RAD54B: variants seen among roughly 807,000 people sequenced by gnomAD.
The protein encoded by RAD54B is RAD54 homolog B.
A neutral mutation model predicts 95.8 loss-of-function variants in RAD54B; 78 were observed. The observed-to-expected ratio is 0.81, with a 90% CI of 0.68 to 0.98. The LOEUF (loss-of-function observed/expected upper bound fraction) is 0.98. RAD54B is among the 50% of genes least tolerant of loss of function. RAD54B has a pLI of 0.00. For missense variants in RAD54B, 957 were observed against 1,056.6 expected (o/e 0.91, Z 1.31); for synonymous variants, 328 against 354.9 (o/e 0.92, Z 0.85).
chr8:94,467,238 T>C (rs1813048455), intron 2 of RAD54B, among the ~76,000 whole-genome samples, 167 bp downstream of exon 2: 1 of 152,166 alleles, frequency 6.6e-6, no homozygotes, highest in Non-Finnish European at 1.5e-5. Flanking sequence ...TGTTATTCCT[T>C]TTAAAAAAAA....
intron 8 of RAD54B, among the ~76,000 whole-genome samples, chr8:94,394,254 C>T (rs1402213863): frequency 1.3e-5 from 2 of 152,074 alleles, no homozygotes; most frequent in Non-Finnish European, 2.9e-5. Flanking sequence ...TAATAACAGT[C>T]GTTCCTAGGG....
chr8:94,440,025 G>A (rs191271975), intron 3 of RAD54B, among the ~76,000 whole-genome samples: 3 of 152,274 alleles, frequency 2.0e-5, no homozygotes, highest in Admixed American at 2.0e-4. Flanking sequence ...ACCATTTCAA[G>A]ATATGGCAGA....
chr8:94,411,249 TTAAC>T lies in RAD54B; in HGVS notation c.367_370del (p.Val123AsnfsTer26), dbSNP rs766417386. On this transcript the variant is annotated frameshift_variant, in exon 4 of 15. Transcript: ENST00000336148. LOFTEE classifies it high-confidence loss of function. The stretch of plus-strand genomic sequence containing the variant: ...CTTACACCAAACAACACTGAAATAT[TTAAC>T]TAGGCTATCAGATTTCTCTTCTTGT... 7.4e-6 allele frequency: 12 copies of T among 1,610,920 alleles called. No homozygotes were observed. The highest frequency in any genetic ancestry group is 9.3e-6 in the Non-Finnish European group (11 of 1,179,052).
chr8:94,401,233 CAATA>C (rs1239431150), intron 6 of RAD54B, among the ~76,000 whole-genome samples: 1 of 151,918 alleles, frequency 6.6e-6, no homozygotes, highest in Non-Finnish European at 1.5e-5. Flanking sequence ...GGGTTTTTTT[CAATA>C]AATGTTATAA....
chr8:94,430,267 C>T, intron 3 of RAD54B: 1 of 863,838 alleles, frequency 1.2e-6, no homozygotes, highest in East Asian at 1.2e-4. Flanking sequence ...GCCAACATCG[C>T]ACCACTGCAC....
chr8:94,403,358 G>A (rs1477044235), intron 6 of RAD54B, among the ~76,000 whole-genome samples: 1 of 151,962 alleles, frequency 6.6e-6, no homozygotes, highest in Non-Finnish European at 1.5e-5. Context: ...ATTTTCAGAT[G>A]TAGAGACAGA....
intron 5 of RAD54B, among the ~76,000 whole-genome samples, chr8:94,406,615 G>A (rs2130026498): frequency 6.6e-6 from 1 of 152,264 alleles, no homozygotes; most frequent in South Asian, 2.1e-4. Flanking sequence ...AAAGTGAAGA[G>A]ACGAATCTAA....
chr8:94,375,791 G>A (rs748098988), intron 14 of RAD54B, among the ~76,000 whole-genome samples: 16 of 151,394 alleles, frequency 1.1e-4, no homozygotes, highest in Non-Finnish European at 2.4e-4. Flanking sequence ...AGGAAAACTG[G>A]GCAAGAATAT....
At chr8:94,394,750 TG>T (rs1355323997) in intron 8 of RAD54B, among the ~76,000 whole-genome samples, 9 of 152,154 alleles carry the variant, frequency 5.9e-5, no homozygotes, top group African/African-American at 1.7e-4. Flanking sequence ...TAATATCAGA[TG>T]GCTTTCAAAT....
Position 94,407,624 on chromosome 8 carries a change from GGA to G in RAD54B, c.594_595del (p.Pro199ArgfsTer2). 6.2e-7 allele frequency: 1 copy of G among 1,613,958 alleles called. No homozygotes were observed. The highest frequency in any genetic ancestry group is 8.5e-7 in the Non-Finnish European group (1 of 1,179,926). On this transcript the variant is annotated frameshift_variant, in exon 5 of 15. Transcript: ENST00000336148. LOFTEE classifies it high-confidence loss of function. ...ACACCTGCCACTGCTGAAGTCATCT[GGA>G]GAGATTACACCCATGACTTCTATTT...
rs1301100089 is a variant in RAD54B, at chr8:94,411,332, A to AC, written c.305-18_305-17insG. The AC allele has an allele frequency of 1.6e-5, 24 of 1,540,906 alleles. No homozygotes were observed. Among genetic ancestry groups the AC allele is most frequent in the Non-Finnish European group, 2.0e-5 (23 of 1,154,178 alleles). ...CCGAATGAACTACAATTAAAAAAAAAACACACATTATTAAAAATGACTTTA... is the reference window on the plus strand; with the variant it reads ...CCGAATGAACTACAATTAAAAAAAAACACACACATTATTAAAAATGACTTTA... On this transcript the variant is annotated splice_polypyrimidine_tract_variant and intron_variant, in intron 3 of 14. Coordinates refer to ENST00000336148, the MANE Select transcript of RAD54B (RefSeq NM_012415.3).
intron 3 of RAD54B, among the ~76,000 whole-genome samples, chr8:94,456,941 G>C (rs1361551260): frequency 1.3e-5 from 2 of 152,164 alleles, no homozygotes; most frequent in Non-Finnish European, 2.9e-5. Context: ...TCAGAGAAAG[G>C]ATTACGGGAT....
At chr8:94,382,715 G>T (rs1810774405) in intron 11 of RAD54B, among the ~76,000 whole-genome samples, 1 of 152,136 alleles carries the variant, frequency 6.6e-6, no homozygotes, top group East Asian at 1.9e-4. Flanking sequence ...AAATCACGGG[G>T]GCGGTTTCCT....
chr8:94,426,683 T>C (rs1040701523), intron 3 of RAD54B, among the ~76,000 whole-genome samples: 3 of 152,106 alleles, frequency 2.0e-5, no homozygotes, highest in African/African-American at 4.8e-5. Context: ...ATTAGGACAA[T>C]GGTTGCCTGA....
chr8:94,373,368 T>G (rs2445727), intron 14 of RAD54B, among the ~76,000 whole-genome samples: 38 of 152,268 alleles, frequency 2.5e-4, no homozygotes, highest in African/African-American at 8.4e-4. Flanking sequence ...AGTCACCTTT[T>G]CCAGCCTCCC....
At chr8:94,393,635 TA>T in intron 9 of RAD54B, 107 bp downstream of exon 9, 1 of 1,069,080 alleles carries the variant, frequency 9.4e-7, no homozygotes, top group Non-Finnish European at 1.3e-6. Flanking sequence ...TGGAGAAAAA[TA>T]AAGAGTTCAC....
intron 2 of RAD54B, 132 bp from the exon 3 acceptor site, chr8:94,458,568 A>T (rs1586038122): frequency 1.5e-6 from 1 of 666,574 alleles, no homozygotes; most frequent in Non-Finnish European, 2.3e-6. Context: ...CTAGATATTT[A>T]AAAATAAATT....
chr8:94,383,514 A>C (rs897868303), intron 11 of RAD54B, among the ~76,000 whole-genome samples: 1 of 152,206 alleles, frequency 6.6e-6, no homozygotes, highest in Admixed American at 6.5e-5. Flanking sequence ...TATTTTGAGA[A>C]AGAAAGAGAG....
rs376611644 is a variant in RAD54B at position 94,380,408 on chromosome 8, T to C, written c.1986-2A>G. The stretch of plus-strand genomic sequence containing the variant: ...GTATAGTTGGATACCAACACCACCC[T>C]GTCAATCAAAAAGAAAGATTCTTTA... On this transcript the variant is annotated splice_acceptor_variant, in intron 11 of 14. Coordinates refer to ENST00000336148, the MANE Select transcript of RAD54B (RefSeq NM_012415.3). LOFTEE classifies it high-confidence loss of function. 8.9e-6 allele frequency: 14 copies of C among 1,573,004 alleles called. No homozygotes were observed. Among genetic ancestry groups the C allele is most frequent in the Admixed American group, 1.9e-5 (1 of 52,176 alleles).
Sources: gnomAD v4.1 joint callset for allele counts (sites outside exome capture counted in the v4.1 genomes callset) on GRCh38, gnomAD v4.1.1 for gene constraint, MANE v1.5 for transcripts, NCBI Gene and HGNC (gene_info 2026-07-23, HGNC 2026-07-21) for gene names.